PTPRM: variants seen among roughly 807,000 people sequenced by gnomAD.
PTPRM encodes the protein receptor-type tyrosine-protein phosphatase mu.
A neutral mutation model predicts 186.7 loss-of-function variants in PTPRM; 47 were observed. The observed-to-expected ratio is 0.25, with a 90% CI of 0.20 to 0.32. The LOEUF (loss-of-function observed/expected upper bound fraction) is 0.32. PTPRM is among the 10% of genes least tolerant of loss of function. The pLI, the probability that PTPRM is intolerant of heterozygous loss-of-function variation, is 1.00. For synonymous variants in PTPRM, 668 were observed against 674.9 expected (o/e 0.99, Z 0.16); for missense variants, 1,494 against 1,865.0 (o/e 0.80, Z 3.66).
At chr18:8,039,898 A>G (rs751761787) in intron 7 of PTPRM, among the ~76,000 whole-genome samples, 8 of 152,236 alleles carry the variant, frequency 5.3e-5, no homozygotes, top group Non-Finnish European at 1.2e-4. Context: ...ACCTTTTCAT[A>G]TGCATGGATA....
chr18:7,846,846 G>A (rs1599032840), intron 2 of PTPRM, among the ~76,000 whole-genome samples: 1 of 152,030 alleles, frequency 6.6e-6, no homozygotes, highest in Admixed American at 6.6e-5. Context: ...TCAGACCAGG[G>A]TTTCTGATGT....
intron 7 of PTPRM, among the ~76,000 whole-genome samples, chr18:8,057,041 T>TC: frequency 6.6e-6 from 1 of 151,582 alleles, no homozygotes; most frequent in East Asian, 1.9e-4. Flanking sequence ...TAACATAGCT[T>TC]CAACTCTGCT....
intron 1 of PTPRM, among the ~76,000 whole-genome samples, chr18:7,629,134 G>T: frequency 6.6e-6 from 1 of 152,184 alleles, no homozygotes; most frequent in East Asian, 1.9e-4. Flanking sequence ...GATGGCGGGG[G>T]TGCCAATCAT....
chr18:8,016,679 G>A (rs73385609), intron 7 of PTPRM, among the ~76,000 whole-genome samples: 2,777 of 152,152 alleles, frequency 0.018, 90 homozygotes, highest in African/African-American at 0.064. Flanking sequence ...GTAAGTGTGT[G>A]GTCACAGAAA....
chr18:8,041,123 G>C (rs1343133537), intron 7 of PTPRM, among the ~76,000 whole-genome samples: 1 of 152,160 alleles, frequency 6.6e-6, no homozygotes, highest in African/African-American at 2.4e-5. Context: ...GTATGAAATA[G>C]CATATCCCAT....
At chr18:7,886,842 T>G (rs1424035525) in intron 2 of PTPRM, among the ~76,000 whole-genome samples, 1 of 152,208 alleles carries the variant, frequency 6.6e-6, no homozygotes, top group Non-Finnish European at 1.5e-5. Flanking sequence ...GTGAAGGATA[T>G]CTACATCTGT....
chr18:8,289,436 A>G (rs1480255797), intron 19 of PTPRM, among the ~76,000 whole-genome samples: 5 of 136,728 alleles, frequency 3.7e-5, no homozygotes, highest in Non-Finnish European at 7.7e-5. Context: ...ATATATATGT[A>G]TATATACGTA....
chr18:7,718,707 A>G (rs533786157), intron 1 of PTPRM, among the ~76,000 whole-genome samples: 1 of 152,328 alleles, frequency 6.6e-6, no homozygotes, highest in African/African-American at 2.4e-5. Flanking sequence ...AACTCCAACA[A>G]ATCAGCCAGA....
chr18:8,365,527 G>A (rs184895763), intron 23 of PTPRM, among the ~76,000 whole-genome samples: 15 of 152,298 alleles, frequency 9.8e-5, no homozygotes, highest in Admixed American at 4.6e-4. Flanking sequence ...GAGATTCCTC[G>A]CAGCTATATT....
At chr18:8,181,996 C>T (rs548961257) in intron 14 of PTPRM, among the ~76,000 whole-genome samples, 1 of 152,186 alleles carries the variant, frequency 6.6e-6, no homozygotes, top group East Asian at 1.9e-4. Flanking sequence ...TGTGGCTTAC[C>T]TTAGGAGCTA....
In PTPRM at chr18:8,372,058, T is replaced by TC. The variant is rs2095666057; in HGVS notation, c.3171+1052_3171+1053insC. 3.5e-5 allele frequency among the ~76,000 whole-genome samples: 2 copies of TC among 57,020 alleles called. 1 individual carries two copies. The highest frequency in any genetic ancestry group is 7.8e-5 in the Non-Finnish European group (2 of 25,794). 37.4% of individuals were successfully genotyped at this position (57,020 alleles called of 152,430 possible). On this transcript the variant is annotated intron_variant, in intron 24 of 32. Transcript: ENST00000580170. ...GGCCTTCCTCTCCACTCTATATTCTTTTTTTTTTTTTTTTTTTTTTTTTTA... is the reference window on the plus strand; with the variant it reads ...GGCCTTCCTCTCCACTCTATATTCTTCTTTTTTTTTTTTTTTTTTTTTTTTA...
chr18:7,690,751 G>C (rs2039713751), intron 1 of PTPRM, among the ~76,000 whole-genome samples: 1 of 152,148 alleles, frequency 6.6e-6, no homozygotes, highest in African/African-American at 2.4e-5. Context: ...GTTACCTAAA[G>C]TTCATTAACT....
intron 13 of PTPRM, among the ~76,000 whole-genome samples, chr18:8,116,078 C>T (rs2091945080): frequency 6.6e-6 from 1 of 152,180 alleles, no homozygotes; most frequent in Non-Finnish European, 1.5e-5. Context: ...ATTATAGCTG[C>T]TTATGTGTTT....
intron 1 of PTPRM, among the ~76,000 whole-genome samples, chr18:7,628,469 T>C (rs2038113834): frequency 6.6e-6 from 1 of 152,228 alleles, no homozygotes; most frequent in African/African-American, 2.4e-5. Context: ...AAAAACGTGA[T>C]TGTAAATCGT....
At chr18:8,347,583 GGTC>G (rs1434660934) in intron 23 of PTPRM, among the ~76,000 whole-genome samples, 2 of 152,190 alleles carry the variant, frequency 1.3e-5, no homozygotes, top group Non-Finnish European at 2.9e-5. Context: ...ATGCAGTGGT[GGTC>G]GCTGTTCCTT....
At chr18:7,700,993 A>AAAAAAAAAAG (rs10653685) in intron 1 of PTPRM, among the ~76,000 whole-genome samples, 103 of 107,292 alleles carry the variant, frequency 9.6e-4, no homozygotes, top group East Asian at 2.1e-3. Context: ...AAAAAAAAAA[A>AAAAAAAAAAG]AAAGAAAGAA....
At chr18:8,126,015 A>T (rs867140471) in intron 13 of PTPRM, among the ~76,000 whole-genome samples, 1,295 of 24,030 alleles carry the variant, frequency 0.054, 144 homozygotes, top group African/African-American at 0.097. Context: ...ATATATATAT[A>T]TATATATATA....
At chr18:8,365,133 C>A (rs2095620463) in intron 23 of PTPRM, 1 of 152,250 alleles carries the variant, frequency 6.6e-6, no homozygotes, top group Admixed American at 6.5e-5. Context: ...AGAGGCCAAG[C>A]CTCCTGGTAA....
chr18:8,383,787 C>G (rs1166076387), intron 29 of PTPRM, among the ~76,000 whole-genome samples: 2 of 152,186 alleles, frequency 1.3e-5, no homozygotes, highest in Non-Finnish European at 1.5e-5. Flanking sequence ...CACAAAATAG[C>G]CTTATTCCCA....
Sources: allele counts gnomAD v4.1 joint callset (sites outside exome capture counted in the v4.1 genomes callset), GRCh38; gene constraint gnomAD v4.1.1; transcripts MANE v1.5; gene names NCBI Gene and HGNC (gene_info 2026-07-23, HGNC 2026-07-21).